VSIG1: variants seen among roughly 807,000 people sequenced by gnomAD.
VSIG1 encodes V-set and immunoglobulin domain containing 1, also known as V-set and immunoglobulin domain-containing protein 1.
A neutral mutation model predicts 20.1 loss-of-function variants in VSIG1; 11 were observed. That is an observed-to-expected ratio of 0.55 (90% CI 0.34 to 0.91). The LOEUF is 0.91. Among genes scored for constraint, VSIG1 ranks in the 40% least tolerant of loss-of-function variants. VSIG1 has a pLI of 0.02. For missense variants in VSIG1, 283 were observed against 298.8 expected, an observed-to-expected ratio of 0.95 and a Z score of 0.39; for synonymous variants, 126 against 116.7, an observed-to-expected ratio of 1.08 and a Z score of -0.52.
Position 108,047,901 on chromosome X carries a change from T to C in VSIG1, c.49+2722T>C, listed in dbSNP as rs867630719. 6.9e-3 allele frequency among the ~76,000 whole-genome samples: 229 copies of C among 33,329 alleles called. 13 individuals carry two copies. The highest frequency in any genetic ancestry group is 8.3e-3 in the Non-Finnish European group (197 of 23,666). The allele number at this position is 33,329 out of a possible 115,157, so 28.9% of individuals were successfully genotyped here. On this transcript the variant is annotated intron_variant, in intron 1 of 6. Coordinates refer to ENST00000217957, the MANE Select transcript of VSIG1 (RefSeq NM_182607.5). ...ATATATATATACACACATATATATA[T>C]ATACACATATATATATACACATATA...
chrX:108,047,961 CATATATATATATAT>C (rs1172282311), intron 1 of VSIG1, among the ~76,000 whole-genome samples: 8 of 19,932 alleles, frequency 4.0e-4, no homozygotes, highest in Non-Finnish European at 5.3e-4. Context: ...TATACACACA[CATATATATATATAT>C]ATATATATAT....
rs1024557531 is a variant in VSIG1, at chrX:108,046,453, G to A, written c.49+1274G>A. 2.7e-5 allele frequency among the ~76,000 whole-genome samples: 3 copies of A among 111,141 alleles called. No homozygotes were observed. The Admixed American group carries it at 2.9e-4, about 11-fold the overall frequency. On this transcript the variant is annotated intron_variant, in intron 1 of 6. Transcript: ENST00000217957. The stretch of plus-strand genomic sequence containing the variant: ...TCATTAGCCAGTTGGGTCGACCCCT[G>A]GGCCTTCTGCATCAGCCCTCTAAGA...
At chrX:108,044,355 C>A (rs1391400345), upstream of VSIG1, among the ~76,000 whole-genome samples, 2 of 111,725 alleles carry the variant, frequency 1.8e-5, no homozygotes, top group Non-Finnish European at 3.8e-5. Context: ...TCTAAGGAAA[C>A]CCTATAGCAT....
rs1456200889 is a variant in VSIG1, at chrX:108,071,651, T to C, written c.413-1026T>C. On this transcript the variant is annotated intron_variant, in intron 3 of 6. Coordinates refer to ENST00000217957, the MANE Select transcript of VSIG1 (RefSeq NM_182607.5). ...GGTCTTGGAGGCCTCTTCCCCTCTC[T>C]AAAGTCATCTCTCATCCCTCTCCCA... 2.7e-5 allele frequency among the ~76,000 whole-genome samples: 3 copies of C among 110,718 alleles called. No homozygotes were observed. The East Asian group carries it at 8.6e-4, about 32-fold the overall frequency.
In VSIG1 at chrX:108,047,965, T is replaced by TACAC. The variant is rs1569287455; in HGVS notation, c.49+2787_49+2788insCACA. Among the ~76,000 whole-genome samples the TACAC allele has an allele frequency of 3.7e-4, 7 of 18,702 alleles. 1 individual carries two copies. Among genetic ancestry groups the TACAC allele is most frequent in the African/African-American group, 1.6e-3 (6 of 3,822 alleles). The allele number at this position is 18,702 out of a possible 115,157, so 16.2% of individuals were successfully genotyped here. A position where few individuals can be genotyped will look rare whatever the true frequency, so the allele number is the denominator to read the frequency against. ...ATATATATATATATACACACACATA[T>TACAC]ATATATATATATATATATATATATA... On this transcript the variant is annotated intron_variant, in intron 1 of 6. Coordinates refer to ENST00000217957, the MANE Select transcript of VSIG1 (RefSeq NM_182607.5).
chrX:108,046,397 G>A (rs777946230), intron 1 of VSIG1, among the ~76,000 whole-genome samples: 9 of 111,235 alleles, frequency 8.1e-5, no homozygotes, highest in Non-Finnish European at 1.5e-4. Context: ...TTTAGATATG[G>A]AAGTTTTGTC....
rs187863049 is a variant in VSIG1, at chrX:108,070,830, C to T, written c.413-1847C>T. On this transcript the variant is annotated intron_variant, in intron 3 of 6. Transcript: ENST00000217957. ...AAAGACACATGCTTAAAAGATAGGGCTAGTAAACTGTTTAAGAATTATAGC... is the reference window on the plus strand; with the variant it reads ...AAAGACACATGCTTAAAAGATAGGGTTAGTAAACTGTTTAAGAATTATAGC... 7.7e-4 allele frequency among the ~76,000 whole-genome samples: 86 copies of T among 112,021 alleles called. 3 individuals are homozygous for T. In the East Asian group the frequency reaches 0.022, roughly 28 times the overall value.
At chrX:108,065,151 C>A (rs1360248447) in intron 2 of VSIG1, among the ~76,000 whole-genome samples, 1 of 112,185 alleles carries the variant, frequency 8.9e-6, no homozygotes, top group African/African-American at 3.2e-5. Context: ...CAAAATCCAG[C>A]TTTCTGCCTT....
At chrX:108,064,555 C>G (rs1349710037) in intron 2 of VSIG1, among the ~76,000 whole-genome samples, 1 of 111,780 alleles carries the variant, frequency 8.9e-6, no homozygotes, top group African/African-American at 3.2e-5. Flanking sequence ...CTAAAACACA[C>G]CATTTTGGCC....
At chrX:108,024,116 A>G in the VSIG1 span, among the ~76,000 whole-genome samples, 1 of 111,874 alleles carries the variant, frequency 8.9e-6, no homozygotes, top group Non-Finnish European at 1.9e-5. Flanking sequence ...CATAGTTAGA[A>G]CACTGACTCA....
At chrX:108,039,871 T>C in the VSIG1 span, among the ~76,000 whole-genome samples, 1 of 111,320 alleles carries the variant, frequency 9.0e-6, no homozygotes, top group Non-Finnish European at 1.9e-5. Context: ...AGGATTGCTA[T>C]AACTGAGATT....
At chrX:108,075,235 A>G (rs1393081797) in intron 5 of VSIG1, among the ~76,000 whole-genome samples, 1 of 111,719 alleles carries the variant, frequency 9.0e-6, no homozygotes, top group Non-Finnish European at 1.9e-5. Flanking sequence ...AAAAGGTAGG[A>G]CATATCAGAG....
chrX:108,030,375 G>A, the VSIG1 span, among the ~76,000 whole-genome samples: 5 of 111,661 alleles, frequency 4.5e-5, no homozygotes, highest in Non-Finnish European at 9.4e-5. Flanking sequence ...ACAAAAAATT[G>A]GAGCACGTGA....
intron 5 of VSIG1, 115 bp downstream of exon 5, chrX:108,073,484 G>A: frequency 1.1e-6 from 1 of 910,880 alleles, no homozygotes; most frequent in Non-Finnish European, 1.5e-6. Flanking sequence ...CTGGAGATTT[G>A]TGTGCTTTAT....
At chrX:108,028,300 C>G in the VSIG1 span, among the ~76,000 whole-genome samples, 2 of 110,413 alleles carry the variant, frequency 1.8e-5, no homozygotes, top group African/African-American at 6.8e-5. Flanking sequence ...CCTAAGGAAA[C>G]AGTAATTTAT....
chrX:108,053,712 G>A (rs1287890452), intron 1 of VSIG1, among the ~76,000 whole-genome samples: 2 of 111,670 alleles, frequency 1.8e-5, no homozygotes, highest in African/African-American at 6.5e-5. Flanking sequence ...ACTTTCTGAG[G>A]TTTCAGTTAC....
At position 108,047,933 on chromosome X, in the gene VSIG1, T is replaced by C. The variant is rs807172; in HGVS notation, c.49+2754T>C. 2.0e-3 allele frequency among the ~76,000 whole-genome samples: 118 copies of C among 58,950 alleles called. 12 individuals carry two copies. Among genetic ancestry groups the C allele is most frequent in the African/African-American group, 0.01 (93 of 9,077 alleles). 51.2% of individuals were successfully genotyped at this position (58,950 alleles called of 115,157 possible). On this transcript the variant is annotated intron_variant, in intron 1 of 6. Transcript: ENST00000217957. ...ATATATATATACACATATATATATATACACATATATATATATATATACACA... is the reference window on the plus strand; with the variant it reads ...ATATATATATACACATATATATATACACACATATATATATATATATACACA...
At chrX:108,047,533 A>G (rs1452428845) in intron 1 of VSIG1, among the ~76,000 whole-genome samples, 1 of 109,906 alleles carries the variant, frequency 9.1e-6, no homozygotes, top group Non-Finnish European at 1.9e-5. Context: ...TTGCACTCAA[A>G]TCCAAAAAAG....
At chrX:108,021,056 G>A in the VSIG1 span, among the ~76,000 whole-genome samples, 1 of 111,987 alleles carries the variant, frequency 8.9e-6, no homozygotes, top group Non-Finnish European at 1.9e-5. Flanking sequence ...TTGAGGCAGA[G>A]ACAGGTCTCC....
Sources: gnomAD v4.1 joint callset for allele counts (sites outside exome capture counted in the v4.1 genomes callset) on GRCh38, gnomAD v4.1.1 for gene constraint, MANE v1.5 for transcripts, NCBI Gene and HGNC (gene_info 2026-07-23, HGNC 2026-07-21) for gene names.